GRM8: variants seen among roughly 807,000 people sequenced by gnomAD.
GRM8 encodes the protein metabotropic glutamate receptor 8.
A neutral mutation model predicts 87.2 loss-of-function variants in GRM8; 47 were observed. The ratio of observed to expected loss-of-function variants is 0.54; its 90% CI spans 0.43 to 0.69. The LOEUF (loss-of-function observed/expected upper bound fraction) is 0.69, where lower values mean the gene tolerates loss of function less well. GRM8 is among the 30% of genes least tolerant of loss of function. GRM8 has a pLI of 0.00. For missense variants in GRM8, 1,019 were observed against 1,139.2 expected, an observed-to-expected ratio of 0.89 and a Z score of 1.52; for synonymous variants, 396 against 404.5, an observed-to-expected ratio of 0.98 and a Z score of 0.25.
chr7:126,991,283 C>T (rs1291383761), intron 3 of GRM8, among the ~76,000 whole-genome samples: 1 of 152,056 alleles, frequency 6.6e-6, no homozygotes, highest in Non-Finnish European at 1.5e-5. Context: ...AAGGAAACAG[C>T]AAATCTCTGT....
intron 3 of GRM8, among the ~76,000 whole-genome samples, chr7:127,002,442 G>A (rs1164703298): frequency 6.6e-6 from 1 of 151,610 alleles, no homozygotes; most frequent in African/African-American, 2.4e-5. Context: ...CTACTGCAAT[G>A]TACATATCCC....
At chr7:126,603,657 C>A (rs1176392026) in intron 8 of GRM8, among the ~76,000 whole-genome samples, 1 of 152,066 alleles carries the variant, frequency 6.6e-6, no homozygotes, top group Non-Finnish European at 1.5e-5. Flanking sequence ...GGAATTGACT[C>A]ACACTTATGC....
At chr7:127,014,951 GAGAGA>G (rs1815266814) in intron 3 of GRM8, among the ~76,000 whole-genome samples, 1 of 123,012 alleles carries the variant, frequency 8.1e-6, no homozygotes, top group African/African-American at 2.9e-5. Context: ...GAGAAAGAGA[GAGAGA>G]AGAAGAAGAA....
chr7:126,871,689 G>T (rs1322070521), intron 6 of GRM8, among the ~76,000 whole-genome samples: 1 of 152,108 alleles, frequency 6.6e-6, no homozygotes, highest in Middle Eastern at 3.2e-3. Flanking sequence ...ACAACATCTT[G>T]TCTTTCTAGT....
chr7:126,541,819 T>C (rs917405), intron 8 of GRM8, among the ~76,000 whole-genome samples: 55,683 of 152,096 alleles, frequency 0.37, 10,352 homozygotes, highest in Middle Eastern at 0.42. Flanking sequence ...TTCTAATCAC[T>C]AAATACTTCG....
intron 3 of GRM8, among the ~76,000 whole-genome samples, chr7:127,061,962 G>T (rs1288108230): frequency 1.3e-5 from 2 of 152,076 alleles, no homozygotes; most frequent in South Asian, 4.2e-4. Context: ...CCTCCTTGAT[G>T]CTGGATCATC....
intron 7 of GRM8, among the ~76,000 whole-genome samples, chr7:126,657,381 T>C (rs991002510): frequency 6.6e-6 from 1 of 152,164 alleles, no homozygotes; most frequent in African/African-American, 2.4e-5. Context: ...AATAGAGCAG[T>C]GGACACTGAC....
intron 2 of GRM8, chr7:127,229,788 A>G (rs1266053318): frequency 2.6e-5 from 4 of 152,200 alleles, no homozygotes; most frequent in Non-Finnish European, 5.9e-5. Context: ...ACCTTTTGAA[A>G]CTGAGACAGT....
chr7:126,977,686 G>A (rs938172871), intron 3 of GRM8, among the ~76,000 whole-genome samples: 3 of 152,132 alleles, frequency 2.0e-5, no homozygotes, highest in Non-Finnish European at 4.4e-5. Flanking sequence ...ATATTCAAAC[G>A]GTGTTAACTA....
chr7:126,721,856 C>T (rs942282603), intron 7 of GRM8, among the ~76,000 whole-genome samples: 11 of 151,988 alleles, frequency 7.2e-5, no homozygotes, highest in African/African-American at 2.7e-4. Context: ...AGGCCTAATC[C>T]TCACCTCATT....
intron 6 of GRM8, among the ~76,000 whole-genome samples, chr7:126,818,647 C>A (rs1433614522): frequency 1.3e-5 from 2 of 152,154 alleles, no homozygotes; most frequent in African/African-American, 2.4e-5. Flanking sequence ...AAAGTTGTAA[C>A]CACATCACTC....
chr7:126,595,393 ATTTT>A (rs1797067872), intron 8 of GRM8, among the ~76,000 whole-genome samples: 1 of 116,456 alleles, frequency 8.6e-6, no homozygotes, highest in Non-Finnish European at 2.0e-5. Context: ...ATTTTATTTT[ATTTT>A]ATTTTATTTT....
At chr7:127,105,102 A>G (rs1423221877) in intron 3 of GRM8, among the ~76,000 whole-genome samples, 1 of 152,190 alleles carries the variant, frequency 6.6e-6, no homozygotes, top group Admixed American at 6.6e-5. Context: ...TAAATAATAC[A>G]TTAACCCTGT....
intron 3 of GRM8, among the ~76,000 whole-genome samples, chr7:126,962,725 G>A (rs1252147146): frequency 1.3e-5 from 2 of 152,122 alleles, no homozygotes; most frequent in Non-Finnish European, 2.9e-5. Flanking sequence ...CCTACAGCTA[G>A]AGCAAATGTT....
At chr7:126,650,436 T>G (rs2151241432) in intron 7 of GRM8, among the ~76,000 whole-genome samples, 1 of 152,170 alleles carries the variant, frequency 6.6e-6, no homozygotes, top group Non-Finnish European at 1.5e-5. Context: ...TATAGCCCCT[T>G]TCTAGGATAT....
chr7:127,215,999 G>A (rs1041704269), intron 2 of GRM8, among the ~76,000 whole-genome samples: 1 of 152,212 alleles, frequency 6.6e-6, no homozygotes, highest in Non-Finnish European at 1.5e-5. Flanking sequence ...CTAGCAGAGA[G>A]AGCTTTGCCA....
chr7:127,171,653 A>G (rs1283251316), intron 2 of GRM8, among the ~76,000 whole-genome samples: 21 of 152,238 alleles, frequency 1.4e-4, no homozygotes, highest in Non-Finnish European at 1.3e-4. Context: ...CTTTTTAGAC[A>G]TAATGCCATT....
chr7:127,037,890 G>GA (rs1817996739), intron 3 of GRM8, among the ~76,000 whole-genome samples: 3 of 151,250 alleles, frequency 2.0e-5, no homozygotes, highest in African/African-American at 7.3e-5. Context: ...ATAGTGTCAG[G>GA]AAAAAACTGC....
At chr7:126,734,654 C>T (rs1813992723) in intron 7 of GRM8, among the ~76,000 whole-genome samples, 1 of 151,676 alleles carries the variant, frequency 6.6e-6, no homozygotes. Context: ...AAGATGAATT[C>T]AATGTTTCAT....
Sources: gnomAD v4.1 joint callset for allele counts (sites outside exome capture counted in the v4.1 genomes callset) on GRCh38, gnomAD v4.1.1 for gene constraint, MANE v1.5 for transcripts, NCBI Gene and HGNC (gene_info 2026-07-23, HGNC 2026-07-21) for gene names.